Variants in EPHB1 observed in about 807,000 individuals in gnomAD.
EPHB1 encodes the protein ephrin type-B receptor 1.
EPHB1 carries 30 observed loss-of-function variants against 94.4 expected under a neutral mutation model. The ratio of observed to expected loss-of-function variants is 0.32; its 90% CI spans 0.24 to 0.43. The LOEUF is 0.43. Ranked by LOEUF, EPHB1 falls within the 20% of genes least tolerant of loss-of-function variation. The probability of loss-of-function intolerance (pLI) is 1.00; values close to 1 mark genes in which losing one functional copy is unlikely to be tolerated. For synonymous variants in EPHB1, 522 were observed against 489.1 expected (o/e 1.07, Z -0.89); for missense variants, 1,055 against 1,308.3 (o/e 0.81, Z 2.99).
intron 3 of EPHB1, among the ~76,000 whole-genome samples, chr3:135,034,273 A>T (rs947279964): frequency 1.3e-5 from 2 of 152,202 alleles, no homozygotes; most frequent in African/African-American, 4.8e-5. Flanking sequence ...CTGTATGGTT[A>T]TGTCTCTGAT....
At chr3:134,926,560 G>T (rs1477884029) in intron 2 of EPHB1, among the ~76,000 whole-genome samples, 1 of 152,182 alleles carries the variant, frequency 6.6e-6, no homozygotes, top group Non-Finnish European at 1.5e-5. Flanking sequence ...GAGGAATGCC[G>T]GTTGAAAGGG....
At chr3:134,884,308 T>C (rs1371822559) in intron 1 of EPHB1, among the ~76,000 whole-genome samples, 1 of 152,250 alleles carries the variant, frequency 6.6e-6, no homozygotes, top group Non-Finnish European at 1.5e-5. Context: ...TTGGGTAATG[T>C]ACTGCTGGAA....
chr3:134,961,476 A>G (rs1933517081), intron 3 of EPHB1, among the ~76,000 whole-genome samples: 1 of 152,190 alleles, frequency 6.6e-6, no homozygotes, highest in South Asian at 2.1e-4. Context: ...CACTCATGCA[A>G]TTTACCTTTT....
chr3:134,966,578 GA>G (rs58021035), intron 3 of EPHB1, among the ~76,000 whole-genome samples: 1,942 of 152,360 alleles, frequency 0.013, 48 homozygotes, highest in African/African-American at 0.043. Context: ...TGTTCTGGCT[GA>G]TAGAGAGTGA....
intron 12 of EPHB1, among the ~76,000 whole-genome samples, chr3:135,214,708 G>A (rs975262788): frequency 1.3e-5 from 2 of 152,196 alleles, no homozygotes; most frequent in African/African-American, 4.8e-5. Flanking sequence ...TTCCAGGAGA[G>A]AGCATGCATT....
At chr3:134,958,416 G>A (rs891849588) in intron 3 of EPHB1, among the ~76,000 whole-genome samples, 4 of 45,902 alleles carry the variant, frequency 8.7e-5, no homozygotes, top group Non-Finnish European at 4.5e-5. Context: ...ACAAGGGAGT[G>A]TGTGTGTGTG....
chr3:134,916,490 TCCC>T (rs1361829925), intron 1 of EPHB1, among the ~76,000 whole-genome samples: 2 of 152,176 alleles, frequency 1.3e-5, no homozygotes, highest in Non-Finnish European at 2.9e-5. Context: ...GGGCTGCAGG[TCCC>T]GAGCCTTGCC....
At chr3:134,952,371 T>TCTCACA (rs1553714317) in intron 3 of EPHB1, among the ~76,000 whole-genome samples, 2 of 148,212 alleles carry the variant, frequency 1.3e-5, no homozygotes, top group African/African-American at 5.0e-5. Context: ...TCTCTCTCTC[T>TCTCACA]CACACACACA....
chr3:135,166,822 C>A, intron 8 of EPHB1, 120 bp from the exon 9 acceptor site: 2 of 991,348 alleles, frequency 2.0e-6, no homozygotes, highest in African/African-American at 1.6e-5. Flanking sequence ...GTTGCCCAGT[C>A]CCTAATCCTG....
chr3:135,054,043 A>ACACG (rs1188628061), intron 3 of EPHB1, among the ~76,000 whole-genome samples: 14 of 141,930 alleles, frequency 9.9e-5, no homozygotes, highest in African/African-American at 3.9e-4. Context: ...ATATATATAC[A>ACACG]CACACACACA....
At chr3:135,142,435 CT>C (rs759649583) in intron 5 of EPHB1, among the ~76,000 whole-genome samples, 1 of 152,052 alleles carries the variant, frequency 6.6e-6, no homozygotes, top group Non-Finnish European at 1.5e-5. Flanking sequence ...GTCATATGCT[CT>C]GAAAAGATAA....
chr3:134,915,770 A>G (rs1340958331), intron 1 of EPHB1, among the ~76,000 whole-genome samples: 2 of 152,080 alleles, frequency 1.3e-5, no homozygotes, highest in South Asian at 2.1e-4. Flanking sequence ...CGTGGTCTCA[A>G]TGGCTTCATG....
At chr3:135,077,831 A>G (rs1937998514) in intron 3 of EPHB1, among the ~76,000 whole-genome samples, 1 of 152,204 alleles carries the variant, frequency 6.6e-6, no homozygotes, top group Non-Finnish European at 1.5e-5. Context: ...TTGAGAATCA[A>G]GACACACTTT....
rs189081884 is a variant in EPHB1 at position 135,062,535 on chromosome 3, G to T, written c.806-43913G>T. ...TGTCCTTAGCCCACTTTTTGATGGG[G>T]TTTTTTTTTCTTGCTGATTTGTTTG... On this transcript the variant is annotated intron_variant, in intron 3 of 15. Coordinates refer to ENST00000398015, the MANE Select transcript of EPHB1 (RefSeq NM_004441.5). 1.9e-3 allele frequency among the ~76,000 whole-genome samples: 283 copies of T among 150,958 alleles called. 3 individuals carry two copies. The highest frequency in any genetic ancestry group is 5.8e-3 in the African/African-American group (239 of 41,160).
intron 1 of EPHB1, among the ~76,000 whole-genome samples, chr3:134,811,655 AC>A (rs67491638): frequency 0.058 from 8,887 of 152,196 alleles, 270 homozygotes; most frequent in Middle Eastern, 0.092. Flanking sequence ...TGGGCCACAA[AC>A]CGTTATAAGA....
intron 3 of EPHB1, among the ~76,000 whole-genome samples, chr3:135,044,884 TC>T (rs1936952849): frequency 6.6e-6 from 1 of 152,196 alleles, no homozygotes; most frequent in African/African-American, 2.4e-5. Flanking sequence ...CAATTTTTTT[TC>T]TTCCATAGTT....
In EPHB1 at chr3:134,825,093, C is replaced by T. The variant is rs7633835; in HGVS notation, c.58+29404C>T. Among the ~76,000 whole-genome samples, 446 of 152,312 alleles carry T rather than the reference C, an allele frequency of 2.9e-3. 2 individuals are homozygous for T. The highest frequency in any genetic ancestry group is 0.01 in the African/African-American group (432 of 41,570). On this transcript the variant is annotated intron_variant, in intron 1 of 15. Transcript: ENST00000398015. The stretch of plus-strand genomic sequence containing the variant: ...AATAGATAACAGGAACACAAGCAGT[C>T]CCTTGAATTTGCTATGTAAGATAAA...
chr3:135,160,377 A>T (rs950831147), intron 6 of EPHB1, among the ~76,000 whole-genome samples: 14 of 152,146 alleles, frequency 9.2e-5, no homozygotes, highest in African/African-American at 3.1e-4. Flanking sequence ...TTATATGGGA[A>T]TTTCTTATCA....
intron 15 of EPHB1, among the ~76,000 whole-genome samples, chr3:135,255,344 G>C (rs908785726): frequency 6.6e-6 from 1 of 151,134 alleles, no homozygotes; most frequent in African/African-American, 2.4e-5. Flanking sequence ...GCTTTCTCTT[G>C]TGGGCATTTA....
Sources: allele counts gnomAD v4.1 joint callset (sites outside exome capture counted in the v4.1 genomes callset), GRCh38; gene constraint gnomAD v4.1.1; transcripts MANE v1.5; gene names NCBI Gene and HGNC (gene_info 2026-07-23, HGNC 2026-07-21).